Variants in ARHGEF4 observed in about 807,000 individuals in gnomAD.
ARHGEF4 encodes APC-stimulated guanine nucleotide exchange factor 1.
ARHGEF4 carries 119 observed loss-of-function variants against 162.0 expected under a neutral mutation model. The ratio of observed to expected loss-of-function variants is 0.73; its 90% CI spans 0.63 to 0.86. ARHGEF4 has a LOEUF of 0.86. Among genes scored for constraint, ARHGEF4 ranks in the 40% least tolerant of loss-of-function variants. The pLI is 0.00. For missense variants in ARHGEF4, 2,488 were observed against 2,456.0 expected (o/e 1.01, Z -0.28); for synonymous variants, 1,014 against 979.9 (o/e 1.03, Z -0.65).
chr2:131,046,372 G>A lies in ARHGEF4; in HGVS notation c.*183G>A. 3.1e-6 allele frequency: 2 copies of A among 652,048 alleles called. No individual in the cohort carries two copies. Among genetic ancestry groups the A allele is most frequent in the South Asian group, 2.0e-5 (1 of 49,248 alleles). 40.4% of individuals were successfully genotyped at this position (652,048 alleles called of 1,614,324 possible). ...CCTGTTGTCTTTTTCCCTGCTCCTG[G>A]TGCCCTGAAGAGACCAGCAAGGGGG... On this transcript the variant is annotated 3_prime_UTR_variant, in exon 14 of 14. Coordinates refer to ENST00000409359, the MANE Select transcript of ARHGEF4 (RefSeq NM_001367493.1).
chr2:131,000,113 AAAAG>A (rs2105307888), intron 4 of ARHGEF4, among the ~76,000 whole-genome samples: 1 of 152,382 alleles, frequency 6.6e-6, no homozygotes, highest in East Asian at 1.9e-4. Flanking sequence ...AAAAAGATAA[AAAAG>A]AAGAAAGTTC....
chr2:130,995,482 T>C (rs951621387), intron 4 of ARHGEF4, among the ~76,000 whole-genome samples: 1 of 152,224 alleles, frequency 6.6e-6, no homozygotes, highest in Non-Finnish European at 1.5e-5. Flanking sequence ...CTGGACCTCT[T>C]GTGGATCTGC....
chr2:130,882,982 C>G (rs1559018178), intron 1 of ARHGEF4, among the ~76,000 whole-genome samples: 1 of 151,996 alleles, frequency 6.6e-6, no homozygotes, highest in Non-Finnish European at 1.5e-5. Flanking sequence ...ACTTCTGGCT[C>G]CCCTTTCTGC....
intron 4 of ARHGEF4, among the ~76,000 whole-genome samples, chr2:131,021,285 T>C (rs1255265196): frequency 6.6e-6 from 1 of 152,100 alleles, no homozygotes; most frequent in Non-Finnish European, 1.5e-5. Context: ...AACAGAGATA[T>C]AGACCAATGG....
Position 130,949,892 on chromosome 2 carries a change from G to A in ARHGEF4, c.3985+3257G>A, listed in dbSNP as rs146344360. Among the ~76,000 whole-genome samples, 314 of 152,322 alleles carry A rather than the reference G, an allele frequency of 2.1e-3. 1 individual carries two copies. The highest frequency in any genetic ancestry group is 6.2e-3 in the African/African-American group (258 of 41,572). ...TCGAACTCCTGACCTCAGGTGATCT[G>A]TTTGCCTCAGTTTCCCAAAGTGCTG... On this transcript the variant is annotated intron_variant, in intron 4 of 13. Coordinates refer to ENST00000409359, the MANE Select transcript of ARHGEF4 (RefSeq NM_001367493.1).
rs556072308 is a variant in ARHGEF4, at chr2:130,997,205, G to A, written c.3986-30740G>A. 3.3e-5 allele frequency among the ~76,000 whole-genome samples: 5 copies of A among 152,154 alleles called. No individual in the cohort carries two copies. In the South Asian group the frequency reaches 6.2e-4, roughly 19 times the overall value. On this transcript the variant is annotated intron_variant, in intron 4 of 13. Transcript: ENST00000409359. ...AGCCCCCTTTTGTGTGTGTTGATGG[G>A]GATCCAGCTTCCCTTTCCCCACAAG... is the stretch of plus-strand genomic sequence containing the variant.
intron 4 of ARHGEF4, among the ~76,000 whole-genome samples, chr2:131,023,159 T>G (rs1334672791): frequency 1.3e-5 from 2 of 149,956 alleles, no homozygotes; most frequent in African/African-American, 4.9e-5. Context: ...CAAGGCATGA[T>G]GGTTTACACT....
At chr2:130,865,369 G>A (rs6752315) in intron 1 of ARHGEF4, among the ~76,000 whole-genome samples, 5,742 of 152,324 alleles carry the variant, frequency 0.038, 131 homozygotes, top group Middle Eastern at 0.082. Context: ...GTCATGCCTT[G>A]TATTAAATGG....
intron 4 of ARHGEF4, among the ~76,000 whole-genome samples, chr2:130,963,127 A>G (rs569165771): frequency 1.2e-4 from 18 of 152,312 alleles, no homozygotes; most frequent in South Asian, 4.1e-4. Flanking sequence ...CGTGGCCCCA[A>G]TCTTCGTGTG....
intron 3 of ARHGEF4, among the ~76,000 whole-genome samples, chr2:130,931,608 A>C (rs1407539215): frequency 6.6e-6 from 1 of 152,264 alleles, no homozygotes; most frequent in East Asian, 1.9e-4. Flanking sequence ...ACACTGCCCT[A>C]GCATTGGCTC....
chr2:130,993,081 A>AAAAAC (rs1176214102), intron 4 of ARHGEF4, among the ~76,000 whole-genome samples: 3 of 152,198 alleles, frequency 2.0e-5, no homozygotes, highest in Non-Finnish European at 4.4e-5. Flanking sequence ...AAGACTGTTC[A>AAAAAC]AAAACAAAAC....
chr2:130,915,026 G>A lies in ARHGEF4; in HGVS notation c.1080G>A (p.Gly360=). 1.9e-6 allele frequency: 3 copies of A among 1,550,632 alleles called. No individual in the cohort carries two copies. The highest frequency in any genetic ancestry group is 2.6e-6 in the Non-Finnish European group (3 of 1,147,028). The change falls in exon 2 of 14, where the codon GGG becomes GGA. Residue 360 remains glycine, a synonymous_variant. Transcript: ENST00000409359. ...DPVGQNVVKS[G]THVKEGAKNE... ...TGGGACAGAATGTTGTGAAGTCTGG[G>A]ACCCATGTGAAGGAAGGGGCCAAAA...
intron 4 of ARHGEF4, chr2:130,964,203 C>G (rs1280296666): frequency 1.1e-5 from 11 of 985,360 alleles, no homozygotes; most frequent in Non-Finnish European, 1.3e-5. Context: ...TGCGCGGCGC[C>G]GTGTCCCGCT....
At position 130,931,355 on chromosome 2, in the gene ARHGEF4, A is replaced by G. The variant is rs1682621922; in HGVS notation, c.3858+98A>G. ...CCTGAGCTTTTGCCTGACTCTCCTG[A>G]GATGTAACTTGTCACCCTGGGCCCC... On this transcript the variant is annotated intron_variant, in intron 3 of 13. Coordinates refer to ENST00000409359, the MANE Select transcript of ARHGEF4 (RefSeq NM_001367493.1). 5.3e-6 allele frequency: 7 copies of G among 1,325,174 alleles called. No homozygotes were observed. The East Asian group carries it at 1.8e-4, about 34-fold the overall frequency. The allele number at this position is 1,325,174 out of a possible 1,614,324, so 82.1% of individuals were successfully genotyped here.
chr2:130,874,918 A>G (rs1678723340), intron 1 of ARHGEF4, among the ~76,000 whole-genome samples: 1 of 152,166 alleles, frequency 6.6e-6, no homozygotes, highest in Admixed American at 6.5e-5. Flanking sequence ...ATTATTCTCT[A>G]GAGACTCATC....
chr2:130,958,095 C>T (rs908786956), intron 4 of ARHGEF4, among the ~76,000 whole-genome samples: 1 of 152,010 alleles, frequency 6.6e-6, no homozygotes, highest in Non-Finnish European at 1.5e-5. Context: ...GAAGTCACCC[C>T]GGCTCACCAC....
chr2:130,843,116 G>T (rs543767764), intron 1 of ARHGEF4, among the ~76,000 whole-genome samples: 2 of 152,306 alleles, frequency 1.3e-5, no homozygotes, highest in South Asian at 2.1e-4. Flanking sequence ...GATGGGGCCA[G>T]ATTTTCGGTT....
chr2:130,993,832 A>G (rs1291611359), intron 4 of ARHGEF4, among the ~76,000 whole-genome samples: 1 of 151,842 alleles, frequency 6.6e-6, no homozygotes, highest in Non-Finnish European at 1.5e-5. Flanking sequence ...CCCAGGCTGG[A>G]GTGCAATGGT....
intron 1 of ARHGEF4, among the ~76,000 whole-genome samples, chr2:130,902,227 C>T (rs1344305737): frequency 6.6e-6 from 1 of 151,888 alleles, no homozygotes; most frequent in Admixed American, 6.6e-5. Flanking sequence ...AGCTTTTAAC[C>T]CTCCCTCCCT....
Sources: allele counts gnomAD v4.1 joint callset (sites outside exome capture counted in the v4.1 genomes callset), GRCh38; gene constraint gnomAD v4.1.1; transcripts MANE v1.5; gene names NCBI Gene and HGNC (gene_info 2026-07-23, HGNC 2026-07-21).